The following SORL1 variants were observed in gnomAD, a reference collection of about 807,000 sequenced individuals.
The protein encoded by SORL1 is sortilin-related receptor.
In SORL1, 127 loss-of-function variants were observed where a neutral mutation model predicts 273.7. The observed-to-expected ratio is 0.46, with a 90% confidence interval of 0.40 to 0.54. The LOEUF (loss-of-function observed/expected upper bound fraction) is 0.54, where lower values mean the gene tolerates loss of function less well. Among genes scored for constraint, SORL1 ranks in the 20% least tolerant of loss-of-function variants. The pLI is 0.00. For missense variants in SORL1, 2,494 were observed against 2,846.1 expected (o/e 0.88, Z 2.81); for synonymous variants, 1,031 against 1,067.4 (o/e 0.97, Z 0.66).
chr11:121,464,374 G>A (rs966407429), intron 1 of SORL1, among the ~76,000 whole-genome samples: 2 of 152,214 alleles, frequency 1.3e-5, no homozygotes, highest in African/African-American at 4.8e-5. Context: ...TCCCCCAGAA[G>A]TGCTCTGTGT....
In SORL1 at chr11:121,595,085, C is replaced by A. The variant is rs1863273114; in HGVS notation, c.4370-538C>A. The stretch of plus-strand genomic sequence containing the variant: ...CTCTGTTTTTACTTTCTCCAAATAA[C>A]AACCCTCCATTCTTCTATTGGGGTG... On this transcript the variant is annotated intron_variant, in intron 31 of 47. Coordinates refer to ENST00000260197, the MANE Select transcript of SORL1 (RefSeq NM_003105.6). This position sits in a 1 kb window ranked among gnomAD's most constrained non-coding sequence, Gnocchi z 5.1. Among the ~76,000 whole-genome samples, 1 of 152,236 alleles carries A rather than the reference C, an allele frequency of 6.6e-6. No individual in the cohort carries two copies. The highest frequency in any genetic ancestry group is 2.1e-4 in the South Asian group (1 of 4,826).
At chr11:121,535,303 G>A (rs1278736479) in intron 12 of SORL1, among the ~76,000 whole-genome samples, 1 of 152,188 alleles carries the variant, frequency 6.6e-6, no homozygotes, top group Non-Finnish European at 1.5e-5. Context: ...TCACATGAGG[G>A]AATAAGAGAT....
chr11:121,572,923 T>A (rs1862866380), intron 23 of SORL1, among the ~76,000 whole-genome samples: 1 of 152,166 alleles, frequency 6.6e-6, no homozygotes, highest in Non-Finnish European at 1.5e-5. Context: ...AACGGCAGCA[T>A]TGCTATTTGG....
intron 5 of SORL1, among the ~76,000 whole-genome samples, chr11:121,493,366 C>T (rs1380810282): frequency 1.3e-5 from 2 of 152,144 alleles, no homozygotes; most frequent in Non-Finnish European, 2.9e-5. Context: ...AAGTGATTCT[C>T]CTGTCTCAGT....
At chr11:121,523,014 C>G in intron 11 of SORL1, 25 bp downstream of exon 11, 1 of 1,441,316 alleles carries the variant, frequency 6.9e-7, no homozygotes, top group South Asian at 1.1e-5. Context: ...CCAATCCCGT[C>G]CCCTCCACCC....
intron 46 of SORL1, 137 bp downstream of exon 46, chr11:121,625,414 G>A (rs903852901): frequency 1.4e-6 from 1 of 705,004 alleles, no homozygotes; most frequent in Admixed American, 3.3e-5. Context: ...TTATATATCA[G>A]TTTGGTCAGG....
At chr11:121,589,951 C>G (rs1863183846) in intron 29 of SORL1, 89 bp from the exon 30 acceptor site, 3 of 1,511,554 alleles carry the variant, frequency 2.0e-6, no homozygotes, top group Non-Finnish European at 2.7e-6. Context: ...TGCCCTGGAA[C>G]TTGGGTCTGG....
chr11:121,556,164 C>T (rs2134905425), intron 18 of SORL1, among the ~76,000 whole-genome samples: 2 of 152,310 alleles, frequency 1.3e-5, no homozygotes. Flanking sequence ...CAGGGGTTCT[C>T]TGCATGATAC....
At chr11:121,456,542 C>T (rs779686863) in intron 1 of SORL1, among the ~76,000 whole-genome samples, 48 of 152,294 alleles carry the variant, frequency 3.2e-4, no homozygotes, top group African/African-American at 1.0e-3. Flanking sequence ...AGGATGCAAG[C>T]GGCATGGCCT....
chr11:121,489,649 T>G (rs1861523286), intron 4 of SORL1, among the ~76,000 whole-genome samples: 1 of 152,254 alleles, frequency 6.6e-6, no homozygotes, highest in Admixed American at 6.5e-5. Context: ...TGCTTCCACA[T>G]TTTAGCTGTT....
chr11:121,464,290 G>A (rs1239958208), intron 1 of SORL1, among the ~76,000 whole-genome samples: 2 of 152,126 alleles, frequency 1.3e-5, no homozygotes, highest in East Asian at 3.8e-4. Flanking sequence ...TCCTGCATAA[G>A]CCTCAACAAC....
chr11:121,586,159 T>C (rs1863102955), intron 26 of SORL1, 63 bp from the exon 27 acceptor site: 8 of 1,338,636 alleles, frequency 6.0e-6, no homozygotes, highest in Non-Finnish European at 7.5e-6. Context: ...CCGCCAGCAC[T>C]GTGTGTGAGT....
chr11:121,544,561 A>G (rs1329998911), intron 13 of SORL1, among the ~76,000 whole-genome samples: 1 of 152,196 alleles, frequency 6.6e-6, no homozygotes, highest in Non-Finnish European at 1.5e-5. Context: ...TAATAAGTTT[A>G]CTGATTTGCA....
intron 18 of SORL1, among the ~76,000 whole-genome samples, chr11:121,556,438 G>A (rs1862582815): frequency 6.6e-6 from 1 of 152,124 alleles, no homozygotes; most frequent in Admixed American, 6.6e-5. Flanking sequence ...CCACCTCCTG[G>A]GGATGCTGAT....
chr11:121,608,187 C>T lies in SORL1; in HGVS notation c.5239+11C>T. The T allele has an allele frequency of 6.2e-7, 1 of 1,601,332 alleles. No homozygotes were observed. Among genetic ancestry groups the T allele is most frequent in the Non-Finnish European group, 8.6e-7 (1 of 1,168,652 alleles). On this transcript the variant is annotated intron_variant, in intron 38 of 47. Coordinates refer to ENST00000260197, the MANE Select transcript of SORL1 (RefSeq NM_003105.6). ...CCATAAAAGGAAAAGGTAAATGATC[C>T]CAGCATTTGCAGATTTAGAGAAAAT...
chr11:121,570,333 C>T, intron 23 of SORL1, 63 bp downstream of exon 23: 1 of 1,279,452 alleles, frequency 7.8e-7, no homozygotes, highest in Non-Finnish European at 1.1e-6. Context: ...TGGCTCTTCC[C>T]AGGCTGAGGG....
intron 7 of SORL1, 148 bp from the exon 8 acceptor site, chr11:121,514,004 T>C (rs1222874298): frequency 3.5e-6 from 3 of 853,544 alleles, no homozygotes; most frequent in Non-Finnish European, 3.5e-6. Flanking sequence ...CGCCAAAGCT[T>C]CTTTGCCAAG....
chr11:121,506,246 A>C (rs1346651639), intron 6 of SORL1, among the ~76,000 whole-genome samples: 1 of 152,104 alleles, frequency 6.6e-6, no homozygotes, highest in African/African-American at 2.4e-5. Context: ...TATTTTGCCT[A>C]TTATTATAGC....
At chr11:121,461,766 C>T (rs1348967270) in intron 1 of SORL1, among the ~76,000 whole-genome samples, 2 of 152,088 alleles carry the variant, frequency 1.3e-5, no homozygotes, top group Non-Finnish European at 2.9e-5. Context: ...TTGACTCAGG[C>T]GTGCAGTGTT....
Sources: gnomAD v4.1 joint callset for allele counts (sites outside exome capture counted in the v4.1 genomes callset) on GRCh38, gnomAD v4.1.1 for gene constraint, Gnocchi (gnomAD v3.1) non-coding constraint, MANE v1.5 for transcripts, NCBI Gene and HGNC (gene_info 2026-07-23, HGNC 2026-07-21) for gene names.